DOC2B: variants seen among roughly 807,000 people sequenced by gnomAD.
DOC2B encodes the protein double C2-like domain-containing protein beta.
In DOC2B, 21 loss-of-function variants were observed where a neutral mutation model predicts 28.9. The ratio of observed to expected loss-of-function variants is 0.73; its 90% CI spans 0.52 to 1.05. The LOEUF is 1.05. DOC2B is among the 50% of genes least tolerant of loss of function. The pLI, the probability that DOC2B is intolerant of heterozygous loss-of-function variation, is 0.00. For synonymous variants in DOC2B, 194 were observed against 178.1 expected, an observed-to-expected ratio of 1.09 and a Z score of -0.71; for missense variants, 384 against 421.1, an observed-to-expected ratio of 0.91 and a Z score of 0.77.
chr17:154,999 G>C (rs1555522255), intron 6 of DOC2B, among the ~76,000 whole-genome samples: 1 of 152,116 alleles, frequency 6.6e-6, no homozygotes, highest in African/African-American at 2.4e-5. Context: ...AAAGTACTGG[G>C]ATTACAAGCA....
chr17:179,404 A>AAAAAAAAAAG (rs1423108600), intron 1 of DOC2B, among the ~76,000 whole-genome samples: 5 of 151,994 alleles, frequency 3.3e-5, no homozygotes, highest in African/African-American at 1.2e-4. Context: ...ACAGCAAAAA[A>AAAAAAAAAAG]AAGAAAAAGA....
At chr17:172,849 G>A (rs757825219) in intron 1 of DOC2B, among the ~76,000 whole-genome samples, 1 of 152,186 alleles carries the variant, frequency 6.6e-6, no homozygotes, top group African/African-American at 2.4e-5. Flanking sequence ...GACCCAGAGA[G>A]GTCAGGTGGG....
In DOC2B at chr17:149,196, G is replaced by A. The variant is rs1210874190; in HGVS notation, c.924-4C>T. On this transcript the variant is annotated splice_polypyrimidine_tract_variant and splice_region_variant and intron_variant, in intron 6 of 8. Transcript: ENST00000613549. Reference sequence around the variant, plus strand: ...GTCCACATCTGGCCTCAGGTATCTGGAATTACATCCAACGGACAGGCAGAG... The same window carrying A: ...GTCCACATCTGGCCTCAGGTATCTGAAATTACATCCAACGGACAGGCAGAG... The A allele has an allele frequency of 2.5e-6, 1 of 399,762 alleles. No homozygotes were observed. Among genetic ancestry groups the A allele is most frequent in the Non-Finnish European group, 4.4e-6 (1 of 226,322 alleles). The allele number at this position is 399,762 out of a possible 1,614,324, so 24.8% of individuals were successfully genotyped here.
intron 1 of DOC2B, among the ~76,000 whole-genome samples, chr17:176,391 T>TG (rs1330499759): frequency 5.3e-5 from 4 of 76,018 alleles, no homozygotes; most frequent in African/African-American, 1.6e-4. Flanking sequence ...GTGGTGTTGG[T>TG]GCGGGGGGTG....
At chr17:150,626 T>C (rs773049064) in intron 6 of DOC2B, among the ~76,000 whole-genome samples, 3 of 152,228 alleles carry the variant, frequency 2.0e-5, no homozygotes, top group Non-Finnish European at 4.4e-5. Flanking sequence ...TTTCATGGCA[T>C]AAATAATACT....
intron 7 of DOC2B, among the ~76,000 whole-genome samples, chr17:148,695 C>G (rs1342266659): frequency 3.3e-5 from 5 of 152,148 alleles, no homozygotes; most frequent in African/African-American, 1.2e-4. Context: ...GGTGTGGGCT[C>G]TACCCAAGGC....
chr17:177,028 A>ATTT (rs5818738), intron 1 of DOC2B, among the ~76,000 whole-genome samples: 6 of 131,120 alleles, frequency 4.6e-5, no homozygotes, highest in African/African-American at 8.7e-5. Flanking sequence ...ATCTGCCCTG[A>ATTT]TTTTTTTTTT....
chr17:160,532 C>T (rs1384269212), intron 5 of DOC2B, among the ~76,000 whole-genome samples: 2 of 152,214 alleles, frequency 1.3e-5, no homozygotes, highest in Non-Finnish European at 2.9e-5. Flanking sequence ...AGCCGCCGGG[C>T]TCTGTCCTCC....
intron 1 of DOC2B, among the ~76,000 whole-genome samples, chr17:180,758 T>C (rs2151479486): frequency 6.6e-6 from 1 of 151,006 alleles, no homozygotes; most frequent in South Asian, 2.1e-4. Context: ...GCTCCGCCCT[T>C]CCCGGGAACA....
chr17:172,651 C>T, intron 1 of DOC2B, 35 bp from the exon 2 acceptor site: 1 of 1,522,734 alleles, frequency 6.6e-7, no homozygotes, highest in Non-Finnish European at 8.9e-7. Flanking sequence ...CCCACCCTGG[C>T]CGCATCTTGG....
intron 2 of DOC2B, among the ~76,000 whole-genome samples, chr17:169,176 T>C (rs1016167833): frequency 4.6e-5 from 7 of 152,032 alleles, no homozygotes; most frequent in Admixed American, 3.9e-4. Flanking sequence ...CGTGCTGCAA[T>C]GGGGATGAAG....
chr17:152,285 A>G (rs1249425655), intron 6 of DOC2B, among the ~76,000 whole-genome samples: 1 of 152,234 alleles, frequency 6.6e-6, no homozygotes, highest in East Asian at 1.9e-4. Flanking sequence ...GCGACCGCAC[A>G]GGCTGCTGAG....
intron 7 of DOC2B, among the ~76,000 whole-genome samples, chr17:148,625 G>A (rs1042843912): frequency 3.9e-5 from 6 of 152,068 alleles, no homozygotes; most frequent in Non-Finnish European, 8.8e-5. Context: ...TCCATCCGGG[G>A]TTCCCCTCAC....
rs1555523209 is a variant in DOC2B at position 161,401 on chromosome 17, A to G, written c.765+14T>C. ...GAGCCAGGTACACAGCAGGTGCTCA[A>G]TCAATCCTCTCACCGGCAGCTGCTT... On this transcript the variant is annotated intron_variant, in intron 5 of 8. Transcript: ENST00000613549. 6.4e-7 allele frequency: 1 copy of G among 1,551,468 alleles called. No homozygotes were observed.
chr17:161,296 C>A, intron 5 of DOC2B, 119 bp downstream of exon 5: 1 of 1,092,386 alleles, frequency 9.2e-7, no homozygotes, highest in Admixed American at 2.1e-5. Flanking sequence ...CTCACCTCCC[C>A]GGTCTCCCCT....
At chr17:157,738 C>G (rs2040152173) in intron 5 of DOC2B, among the ~76,000 whole-genome samples, 1 of 152,212 alleles carries the variant, frequency 6.6e-6, no homozygotes, top group African/African-American at 2.4e-5. Context: ...GCCACCGCAT[C>G]CAGATAATAC....
rs907136783 is a variant in DOC2B, at chr17:143,068, T to G, written c.*4373A>C. 2.0e-5 allele frequency: 3 copies of G among 152,150 alleles called. No individual in the cohort carries two copies. Among genetic ancestry groups the G allele is most frequent in the Non-Finnish European group, 4.4e-5 (3 of 68,046 alleles). 9.4% of individuals were successfully genotyped at this position (152,150 alleles called of 1,614,324 possible). ...CGTTAGTCAATACTCCACGGCTGTT[T>G]GTTGGATGAGTGGACAACAGCATGG... On this transcript the variant is annotated 3_prime_UTR_variant, in exon 9 of 9. Coordinates refer to ENST00000613549, the MANE Select transcript of DOC2B (RefSeq NM_003585.5).
rs372592253 is a variant in DOC2B, at chr17:155,904, G to A, written c.923+316C>T. The stretch of plus-strand genomic sequence containing the variant: ...ACCCCCGGCACTGGCCCCGCCTTCT[G>A]TCCCCTCCTGCAACTCATGGCCCCT... On this transcript the variant is annotated intron_variant, in intron 6 of 8. Transcript: ENST00000613549. The A allele has an allele frequency of 1.4e-5, 5 of 363,718 alleles. No homozygotes were observed. In the South Asian group the frequency reaches 3.2e-4, roughly 24 times the overall value. 22.5% of individuals were successfully genotyped at this position (363,718 alleles called of 1,614,324 possible).
At chr17:178,018 G>T (rs2040390463) in intron 1 of DOC2B, among the ~76,000 whole-genome samples, 1 of 152,246 alleles carries the variant, frequency 6.6e-6, no homozygotes, top group African/African-American at 2.4e-5. Flanking sequence ...TCTGGGAGAG[G>T]TTTCCTCGCT....
Sources: gnomAD v4.1 joint callset for allele counts (sites outside exome capture counted in the v4.1 genomes callset) on GRCh38, gnomAD v4.1.1 for gene constraint, MANE v1.5 for transcripts, NCBI Gene and HGNC (gene_info 2026-07-23, HGNC 2026-07-21) for gene names.